Variants in MGMT observed in about 807,000 individuals in gnomAD.
MGMT encodes the protein O-6-methylguanine-DNA methyltransferase.
Under a neutral mutation model 15.9 loss-of-function variants are expected in MGMT, and 14 were observed. That is an observed-to-expected ratio of 0.88 (90% CI 0.58 to 1.37). The LOEUF (loss-of-function observed/expected upper bound fraction) is 1.37, where lower values mean the gene tolerates loss of function less well. Among genes scored for constraint, MGMT ranks in the 40% most tolerant of loss-of-function variants. MGMT has a pLI of 0.00. For synonymous variants in MGMT, 130 were observed against 118.2 expected (o/e 1.10, Z -0.65); for missense variants, 282 against 268.1 (o/e 1.05, Z -0.36).
At chr10:129,665,047 C>T (rs1382297817) in intron 2 of MGMT, among the ~76,000 whole-genome samples, 1 of 152,060 alleles carries the variant, frequency 6.6e-6, no homozygotes, top group Admixed American at 6.5e-5. Flanking sequence ...TAGAGTTGAA[C>T]ATACACTTAC....
At chr10:129,611,176 C>T (rs1372144888) in intron 2 of MGMT, among the ~76,000 whole-genome samples, 1 of 152,178 alleles carries the variant, frequency 6.6e-6, no homozygotes, top group Admixed American at 6.5e-5. Flanking sequence ...CATTCATTCT[C>T]ACACTGCTAT....
rs189202825 is a variant in MGMT, at chr10:129,573,841, G to T, written c.125+37464G>T. ...GAGTATAAAATCTAGGTTATTTAAT[G>T]TTGTTATAAAATTATTCTAAGATCA... On this transcript the variant is annotated intron_variant, in intron 2 of 4. Transcript: ENST00000651593. 2.7e-3 allele frequency among the ~76,000 whole-genome samples: 403 copies of T among 151,908 alleles called. 3 individuals are homozygous for T. Among genetic ancestry groups the T allele is most frequent in the African/African-American group, 9.2e-3 (380 of 41,234 alleles).
At chr10:129,727,947 G>C (rs1848451561) in intron 3 of MGMT, among the ~76,000 whole-genome samples, 1 of 152,322 alleles carries the variant, frequency 6.6e-6, no homozygotes, top group Admixed American at 6.5e-5. Flanking sequence ...GTGTGAAACA[G>C]CAAGCAATCC....
At chr10:129,473,256 G>C (rs1281975547) in intron 1 of MGMT, among the ~76,000 whole-genome samples, 6 of 152,196 alleles carry the variant, frequency 3.9e-5, no homozygotes. Flanking sequence ...GGTAAACTTG[G>C]TCAAAAATGG....
intron 3 of MGMT, among the ~76,000 whole-genome samples, chr10:129,726,484 C>T (rs1848435983): frequency 1.3e-5 from 2 of 152,094 alleles, no homozygotes; most frequent in Admixed American, 1.3e-4. Flanking sequence ...GTCTTAGGTT[C>T]CACCCCAGGT....
chr10:129,642,621 C>T (rs1847340233), intron 2 of MGMT, among the ~76,000 whole-genome samples: 2 of 152,178 alleles, frequency 1.3e-5, no homozygotes, highest in Admixed American at 1.3e-4. Context: ...TTTGCCATTG[C>T]ATTACACAAG....
chr10:129,699,712 T>G (rs565547421), intron 2 of MGMT, among the ~76,000 whole-genome samples: 1 of 152,336 alleles, frequency 6.6e-6, no homozygotes, highest in South Asian at 2.1e-4. Context: ...TCTGCTGACT[T>G]GACAGCCAGA....
intron 2 of MGMT, among the ~76,000 whole-genome samples, chr10:129,593,919 G>A (rs1039323156): frequency 2.0e-5 from 3 of 152,370 alleles, no homozygotes; most frequent in Admixed American, 6.5e-5. Flanking sequence ...CTTATGCAGA[G>A]GTCTCTGGGC....
chr10:129,570,759 T>G (rs1432134828), intron 2 of MGMT, among the ~76,000 whole-genome samples: 1 of 152,230 alleles, frequency 6.6e-6, no homozygotes, highest in African/African-American at 2.4e-5. Context: ...ATTTAGTTAA[T>G]AAGAATTTTC....
intron 3 of MGMT, among the ~76,000 whole-genome samples, chr10:129,710,256 G>T (rs995235996): frequency 2.6e-5 from 4 of 152,236 alleles, no homozygotes; most frequent in Non-Finnish European, 5.9e-5. Flanking sequence ...CTCTTGGAAA[G>T]CCCTACAGTG....
intron 2 of MGMT, among the ~76,000 whole-genome samples, chr10:129,609,730 G>A (rs758567340): frequency 2.8e-4 from 43 of 152,208 alleles, no homozygotes; most frequent in Non-Finnish European, 4.4e-5. Flanking sequence ...GGCTGGAAGC[G>A]CTTCCCTGAA....
chr10:129,481,852 G>A (rs1845361435), intron 1 of MGMT, among the ~76,000 whole-genome samples: 2 of 152,014 alleles, frequency 1.3e-5, no homozygotes, highest in Admixed American at 6.6e-5. Context: ...TCTGGCTAGA[G>A]GTTTATCTGT....
At position 129,769,153 on chromosome 10, in the gene MGMT, C is replaced by T. The variant is rs1444147941; in HGVS notation, c.*2156C>T. 1.3e-5 allele frequency: 2 copies of T among 152,272 alleles called. No homozygotes were observed. Among genetic ancestry groups the T allele is most frequent in the Non-Finnish European group, 2.9e-5 (2 of 68,072 alleles). The allele number at this position is 152,272 out of a possible 1,614,324, so 9.4% of individuals were successfully genotyped here. A position where few individuals can be genotyped will look rare whatever the true frequency, so the allele number is the denominator to read the frequency against. The stretch of plus-strand genomic sequence containing the variant: ...CCATGCCCTTGGTGCAGTACAAAAC[C>T]ATGTTCTGCTTCCTCTCCGAGGGTT... On this transcript the variant is annotated 3_prime_UTR_variant, in exon 5 of 5. Coordinates refer to ENST00000651593, the MANE Select transcript of MGMT (RefSeq NM_002412.5).
At chr10:129,544,262 G>A (rs1846075426) in intron 2 of MGMT, among the ~76,000 whole-genome samples, 1 of 152,204 alleles carries the variant, frequency 6.6e-6, no homozygotes, top group South Asian at 2.1e-4. Context: ...GCAGGCCAGG[G>A]GAGGAAAGAT....
intron 2 of MGMT, among the ~76,000 whole-genome samples, chr10:129,666,817 G>T (rs542618389): frequency 5.3e-5 from 8 of 152,196 alleles, no homozygotes; most frequent in Non-Finnish European, 1.0e-4. Context: ...CCCAACAGTT[G>T]TAGAAGTTTT....
chr10:129,686,911 T>G (rs1847910604), intron 2 of MGMT, among the ~76,000 whole-genome samples: 1 of 152,140 alleles, frequency 6.6e-6, no homozygotes, highest in South Asian at 2.1e-4. Context: ...GTGGGGGTTC[T>G]TCTCAGGCCT....
chr10:129,642,665 A>G (rs898318705), intron 2 of MGMT, among the ~76,000 whole-genome samples: 9 of 152,184 alleles, frequency 5.9e-5, no homozygotes, highest in Admixed American at 4.6e-4. Flanking sequence ...ACTAAATGCT[A>G]TTAGCATCTC....
intron 2 of MGMT, among the ~76,000 whole-genome samples, chr10:129,650,752 C>T (rs900316658): frequency 2.6e-5 from 4 of 152,148 alleles, no homozygotes; most frequent in African/African-American, 9.7e-5. Flanking sequence ...CTCGGTCACA[C>T]ACTGTGAAGA....
chr10:129,602,730 C>T (rs771392863), intron 2 of MGMT, among the ~76,000 whole-genome samples: 1 of 152,092 alleles, frequency 6.6e-6, no homozygotes, highest in Non-Finnish European at 1.5e-5. Flanking sequence ...TGGGGGCTGC[C>T]ACCCTCCCTC....
Sources: allele counts gnomAD v4.1 joint callset (sites outside exome capture counted in the v4.1 genomes callset), GRCh38; gene constraint gnomAD v4.1.1; transcripts MANE v1.5; gene names NCBI Gene and HGNC (gene_info 2026-07-23, HGNC 2026-07-21).